Variants in PXDNL observed in about 807,000 individuals in gnomAD.
The protein encoded by PXDNL is peroxidasin like, also known as probable oxidoreductase PXDNL.
Under a neutral mutation model 150.8 loss-of-function variants are expected in PXDNL, and 145 were observed. The observed-to-expected ratio is 0.96, with a 90% CI of 0.84 to 1.10. The LOEUF is 1.10. PXDNL is among the 50% of genes least tolerant of loss of function. The probability of loss-of-function intolerance (pLI) is 0.00; values close to 1 mark genes in which losing one functional copy is unlikely to be tolerated. For missense variants in PXDNL, 2,087 were observed against 1,873.9 expected, an observed-to-expected ratio of 1.11 and a Z score of -2.10; for synonymous variants, 757 against 725.7, an observed-to-expected ratio of 1.04 and a Z score of -0.69.
intron 22 of PXDNL, 106 bp from the exon 23 acceptor site, chr8:51,320,128 C>T (rs1417457416): frequency 9.9e-7 from 1 of 1,005,606 alleles, no homozygotes; most frequent in Non-Finnish European, 1.3e-6. Flanking sequence ...CTGACTGTCT[C>T]AATATAATAA....
intron 3 of PXDNL, among the ~76,000 whole-genome samples, chr8:51,586,684 A>C (rs1813329861): frequency 6.6e-6 from 1 of 152,218 alleles, no homozygotes; most frequent in Non-Finnish European, 1.5e-5. Context: ...ACTCCCAATA[A>C]ATTCAAAGAA....
At chr8:51,366,303 T>C (rs898183333) in intron 19 of PXDNL, among the ~76,000 whole-genome samples, 9 of 152,216 alleles carry the variant, frequency 5.9e-5, no homozygotes, top group African/African-American at 2.2e-4. Context: ...ACTCTTCAAA[T>C]TGGGTTCAAA....
At chr8:51,670,791 C>T (rs1815483762) in intron 1 of PXDNL, among the ~76,000 whole-genome samples, 1 of 152,148 alleles carries the variant, frequency 6.6e-6, no homozygotes, top group Non-Finnish European at 1.5e-5. Context: ...ACTAATGTGT[C>T]CCCCAGTGAG....
chr8:51,460,250 C>CAA (rs879324201), intron 8 of PXDNL, among the ~76,000 whole-genome samples: 2 of 122,850 alleles, frequency 1.6e-5, no homozygotes, highest in African/African-American at 6.0e-5. Flanking sequence ...CTGTCTGTCT[C>CAA]AAAAAAAAAA....
rs375907996 is a variant in PXDNL at position 51,405,103 on chromosome 8, C to T, written c.3557+2964G>A. ...CAGCCCCGGCCAGCCACTGGGAGTG[C>T]GGGGCCCACTGAGCCCACGCCCACC... On this transcript the variant is annotated intron_variant, in intron 17 of 22. Transcript: ENST00000356297. Among the ~76,000 whole-genome samples the T allele has an allele frequency of 4.6e-5, 7 of 152,276 alleles. No homozygotes were observed. The East Asian group carries it at 5.8e-4, about 13-fold the overall frequency.
At chr8:51,402,251 T>C (rs1054551920) in intron 17 of PXDNL, among the ~76,000 whole-genome samples, 1 of 152,166 alleles carries the variant, frequency 6.6e-6, no homozygotes, top group African/African-American at 2.4e-5. Context: ...GAGGCAGGGC[T>C]GGGCACGATG....
intron 8 of PXDNL, among the ~76,000 whole-genome samples, chr8:51,460,626 T>C (rs1810054926): frequency 6.6e-6 from 1 of 151,312 alleles, no homozygotes; most frequent in Non-Finnish European, 1.5e-5. Flanking sequence ...CCAAGACCCG[T>C]TCCTAGTCCT....
At chr8:51,582,620 C>G (rs909600418) in intron 3 of PXDNL, among the ~76,000 whole-genome samples, 1 of 152,118 alleles carries the variant, frequency 6.6e-6, no homozygotes, top group Admixed American at 6.5e-5. Context: ...ATATTTATCA[C>G]TTATTACTCC....
chr8:51,493,338 CAG>C (rs999321021), intron 5 of PXDNL, among the ~76,000 whole-genome samples: 1 of 151,142 alleles, frequency 6.6e-6, no homozygotes, highest in African/African-American at 2.4e-5. Context: ...GGGAAAAAAA[CAG>C]AGCACAAAAA....
chr8:51,623,151 C>T (rs1814289957), intron 2 of PXDNL, among the ~76,000 whole-genome samples: 1 of 152,208 alleles, frequency 6.6e-6, no homozygotes, highest in African/African-American at 2.4e-5. Flanking sequence ...CTTTCATTGT[C>T]CTCTCTCTGG....
In PXDNL at chr8:51,479,254, T is replaced by C. The variant is rs545775070; in HGVS notation, c.525-4113A>G. Among the ~76,000 whole-genome samples, 118 of 152,328 alleles carry C rather than the reference T, an allele frequency of 7.7e-4. 2 individuals are homozygous for C. Among genetic ancestry groups the C allele is most frequent in the African/African-American group, 2.7e-3 (114 of 41,574 alleles). On this transcript the variant is annotated intron_variant, in intron 6 of 22. Coordinates refer to ENST00000356297, the MANE Select transcript of PXDNL (RefSeq NM_144651.5). ...TTCTCTGAGTCACAGAAGGCAAGAA[T>C]GACCCAGATAGAAATTTATGTAGAC...
In PXDNL at chr8:51,409,355, A is replaced by G; in HGVS notation, c.2269T>C (p.Tyr757His). ...CGGGGCGCGCGGATGCCGTCCCGGT[A>G]GGCTGGCTGCAGCAGGCGCGCGAAG... ...TAFARLLQPA[Y>H]RDGIRAPRGL... The change falls in exon 17 of 23, where the codon TAC becomes CAC. Residue 757 changes from tyrosine to histidine, a missense_variant. Transcript: ENST00000356297. 6.5e-7 allele frequency: 1 copy of G among 1,548,306 alleles called. No individual in the cohort carries two copies. The highest frequency in any genetic ancestry group is 2.0e-5 in the Admixed American group (1 of 49,144).
chr8:51,757,414 C>T (rs541896579), intron 1 of PXDNL, among the ~76,000 whole-genome samples: 37 of 152,318 alleles, frequency 2.4e-4, no homozygotes, highest in South Asian at 1.9e-3. Flanking sequence ...GGGAGGACAG[C>T]GTTCCTTGTC....
At chr8:51,419,800 ATAT>A (rs888183951) in intron 14 of PXDNL, among the ~76,000 whole-genome samples, 1 of 152,232 alleles carries the variant, frequency 6.6e-6, no homozygotes, top group African/African-American at 2.4e-5. Flanking sequence ...TGGATACAAA[ATAT>A]TATCTAGAAA....
chr8:51,585,845 A>T (rs6984799), intron 3 of PXDNL, among the ~76,000 whole-genome samples: 93,962 of 151,904 alleles, frequency 0.62, 31,814 homozygotes, highest in African/African-American at 0.9. Flanking sequence ...TTCCATCAAG[A>T]CCAACCTGCC....
chr8:51,664,728 T>C (rs1263144317), intron 1 of PXDNL, among the ~76,000 whole-genome samples: 2 of 152,108 alleles, frequency 1.3e-5, no homozygotes, highest in African/African-American at 2.4e-5. Context: ...TATAGTGACC[T>C]GGGACTTGGC....
chr8:51,336,473 A>G (rs1394777495), intron 21 of PXDNL, among the ~76,000 whole-genome samples: 1 of 152,226 alleles, frequency 6.6e-6, no homozygotes, highest in Non-Finnish European at 1.5e-5. Flanking sequence ...ACAGATCAGT[A>G]GTAAGTGCTA....
intron 1 of PXDNL, among the ~76,000 whole-genome samples, chr8:51,689,282 G>C (rs1815939227): frequency 6.6e-6 from 1 of 151,416 alleles, no homozygotes; most frequent in Non-Finnish European, 1.5e-5. Context: ...TCAGCTCTCT[G>C]CACTCAGCTC....
At chr8:51,732,731 T>A (rs149376725) in intron 1 of PXDNL, among the ~76,000 whole-genome samples, 1,712 of 152,178 alleles carry the variant, frequency 0.011, 38 homozygotes, top group African/African-American at 0.039. Context: ...CAAAGACACA[T>A]CTTACATGGC....
Sources: allele counts gnomAD v4.1 joint callset (sites outside exome capture counted in the v4.1 genomes callset), GRCh38; gene constraint gnomAD v4.1.1; transcripts MANE v1.5; gene names NCBI Gene and HGNC (gene_info 2026-07-23, HGNC 2026-07-21).